CCDC60: variants seen among roughly 807,000 people sequenced by gnomAD.
CCDC60 encodes the protein coiled-coil domain containing 60.
A neutral mutation model predicts 63.5 loss-of-function variants in CCDC60; 54 were observed. The ratio of observed to expected loss-of-function variants is 0.85; its 90% CI spans 0.68 to 1.07. The LOEUF (loss-of-function observed/expected upper bound fraction) is 1.07, where lower values mean the gene tolerates loss of function less well. Among genes scored for constraint, CCDC60 ranks in the 50% least tolerant of loss-of-function variants. The pLI is 0.00. For missense variants in CCDC60, 651 were observed against 684.3 expected (o/e 0.95, Z 0.54); for synonymous variants, 206 against 238.8 (o/e 0.86, Z 1.27).
At chr12:119,337,378 G>A (rs1258650783) in intron 1 of CCDC60, among the ~76,000 whole-genome samples, 1 of 152,176 alleles carries the variant, frequency 6.6e-6, no homozygotes, top group African/African-American at 2.4e-5. Context: ...CCTGGGTTTG[G>A]ATCTGCCTCT....
chr12:119,358,506 T>C (rs559257194), intron 1 of CCDC60, among the ~76,000 whole-genome samples: 4 of 152,194 alleles, frequency 2.6e-5, no homozygotes, highest in African/African-American at 9.6e-5. Context: ...TCATTATAAA[T>C]TACCCAGTCT....
rs763167241 is a variant in CCDC60 at position 119,500,143 on chromosome 12, G to C, written c.623G>C (p.Trp208Ser). The change falls in exon 6 of 14, where the codon TGG becomes TCG. Residue 208 changes from tryptophan (W) to serine (S), a missense_variant. Physicochemically the swap from Trp to Ser is radical, Grantham distance 177. Transcript: ENST00000327554. The part of the protein sequence containing the change: ...INKDKSMGQK[W>S]EHFITAPKTK... ...AAGGACAAGTCCATGGGACAGAAAT[G>C]GGAGCATTTCATCACAGCGCCAAAG... The C allele has an allele frequency of 6.2e-7, 1 of 1,610,598 alleles. No homozygotes were observed. The highest frequency in any genetic ancestry group is 8.5e-7 in the Non-Finnish European group (1 of 1,178,754).
intron 1 of CCDC60, among the ~76,000 whole-genome samples, chr12:119,371,993 C>A (rs1040222383): frequency 6.6e-6 from 1 of 151,798 alleles, no homozygotes; most frequent in Non-Finnish European, 1.5e-5. Flanking sequence ...CGCAGTGGCT[C>A]ACCCCTGTAA....
intron 1 of CCDC60, among the ~76,000 whole-genome samples, chr12:119,406,576 A>G (rs967026393): frequency 1.3e-5 from 2 of 152,172 alleles, no homozygotes; most frequent in African/African-American, 2.4e-5. Flanking sequence ...CCAGAGGAGG[A>G]GAGAGAAAAC....
chr12:119,378,187 G>A (rs183334376), intron 1 of CCDC60, among the ~76,000 whole-genome samples: 66 of 152,264 alleles, frequency 4.3e-4, no homozygotes, highest in Admixed American at 3.2e-3. Context: ...TCTACCTGGC[G>A]GGTGCCGTGT....
intron 1 of CCDC60, among the ~76,000 whole-genome samples, chr12:119,389,350 G>A (rs1956115334): frequency 6.6e-6 from 1 of 152,062 alleles, no homozygotes; most frequent in Non-Finnish European, 1.5e-5. Flanking sequence ...TTTACATATG[G>A]TCTATGGTTG....
intron 1 of CCDC60, among the ~76,000 whole-genome samples, chr12:119,423,304 G>C (rs1956845910): frequency 6.6e-6 from 1 of 152,302 alleles, no homozygotes; most frequent in Non-Finnish European, 1.5e-5. Flanking sequence ...AGGGATCCTT[G>C]ATTAACTTAA....
At chr12:119,539,292 C>T (rs1289464087) in intron 13 of CCDC60, among the ~76,000 whole-genome samples, 3 of 152,222 alleles carry the variant, frequency 2.0e-5, no homozygotes, top group African/African-American at 4.8e-5. Context: ...GCACCCACAA[C>T]CGCCCCTTCT....
At position 119,366,611 on chromosome 12, in the gene CCDC60, G is replaced by C. The variant is rs955292798; in HGVS notation, c.90+31345G>C. On this transcript the variant is annotated intron_variant, in intron 1 of 13. Transcript: ENST00000327554. Reference sequence around the variant, plus strand: ...TGGGTGGGGGTGTGGGGCTTCATGAGAAAATCAAGTAGCAAGAGAGAGTCT... The same window carrying C: ...TGGGTGGGGGTGTGGGGCTTCATGACAAAATCAAGTAGCAAGAGAGAGTCT... Among the ~76,000 whole-genome samples the C allele has an allele frequency of 5.9e-5, 9 of 152,294 alleles. No homozygotes were observed. The South Asian group carries it at 1.2e-3, about 21-fold the overall frequency.
intron 1 of CCDC60, among the ~76,000 whole-genome samples, chr12:119,373,495 C>G (rs1192317093): frequency 6.6e-6 from 1 of 152,138 alleles, no homozygotes; most frequent in Non-Finnish European, 1.5e-5. Flanking sequence ...GCTGCCAAAC[C>G]ACTTACTACA....
At chr12:119,452,263 T>C (rs1240033704) in intron 2 of CCDC60, among the ~76,000 whole-genome samples, 2 of 152,192 alleles carry the variant, frequency 1.3e-5, no homozygotes, top group African/African-American at 4.8e-5. Flanking sequence ...AAAGAACCAG[T>C]CCTCCCTCTT....
At chr12:119,488,256 G>T (rs1951502727) in intron 4 of CCDC60, among the ~76,000 whole-genome samples, 1 of 152,184 alleles carries the variant, frequency 6.6e-6, no homozygotes, top group South Asian at 2.1e-4. Flanking sequence ...TCTGGGGGGA[G>T]AAGAACAATT....
chr12:119,520,324 C>T (rs999589458), intron 9 of CCDC60, 132 bp downstream of exon 9: 42 of 718,818 alleles, frequency 5.8e-5, no homozygotes, highest in Non-Finnish European at 2.1e-5. Context: ...TTCTTATGAC[C>T]TCACTAGAAA....
intron 1 of CCDC60, among the ~76,000 whole-genome samples, chr12:119,408,318 G>A (rs1381644927): frequency 1.3e-5 from 2 of 152,200 alleles, no homozygotes; most frequent in African/African-American, 4.8e-5. Flanking sequence ...CGGGAATCTA[G>A]GCATGGCTTA....
intron 1 of CCDC60, among the ~76,000 whole-genome samples, chr12:119,422,874 G>A (rs191847331): frequency 2.0e-5 from 3 of 151,804 alleles, no homozygotes; most frequent in African/African-American, 7.3e-5. Context: ...ATGAATTTTC[G>A]GCATTCATTC....
At chr12:119,507,352 C>G (rs555375674) in intron 7 of CCDC60, among the ~76,000 whole-genome samples, 1 of 151,078 alleles carries the variant, frequency 6.6e-6, no homozygotes, top group African/African-American at 2.4e-5. Context: ...GTTTTCTGAA[C>G]AGAAGAAGTA....
At chr12:119,506,341 G>A (rs1952000614) in intron 7 of CCDC60, among the ~76,000 whole-genome samples, 1 of 150,232 alleles carries the variant, frequency 6.7e-6, no homozygotes, top group Non-Finnish European at 1.5e-5. Context: ...GGTGGCTCAT[G>A]TCTGTAATCC....
At chr12:119,533,819 T>C (rs1191840050) in intron 13 of CCDC60, among the ~76,000 whole-genome samples, 10 of 152,232 alleles carry the variant, frequency 6.6e-5, no homozygotes, top group Admixed American at 6.5e-5. Flanking sequence ...TTGGTTACTG[T>C]AGCCTTGTAG....
chr12:119,389,403 C>A (rs1383888765), intron 1 of CCDC60, among the ~76,000 whole-genome samples: 1 of 152,096 alleles, frequency 6.6e-6, no homozygotes, highest in East Asian at 1.9e-4. Flanking sequence ...GACTGTATAC[C>A]CCCAAAAGCC....
Sources: allele counts gnomAD v4.1 joint callset (sites outside exome capture counted in the v4.1 genomes callset), GRCh38; gene constraint gnomAD v4.1.1; transcripts MANE v1.5; gene names NCBI Gene and HGNC (gene_info 2026-07-23, HGNC 2026-07-21).